Variants in KLF9 observed in about 807,000 individuals in gnomAD.
KLF9 encodes the protein Krueppel-like factor 9.
KLF9 carries 2 observed loss-of-function variants against 17.3 expected under a neutral mutation model. That is an observed-to-expected ratio of 0.12 (90% CI 0.05 to 0.36). The LOEUF is 0.36. Ranked by LOEUF, KLF9 falls within the 10% of genes least tolerant of loss-of-function variation. The pLI, the probability that KLF9 is intolerant of heterozygous loss-of-function variation, is 1.00. For missense variants in KLF9, 226 were observed against 333.2 expected (o/e 0.68, Z 2.51); for synonymous variants, 138 against 139.2 (o/e 0.99, Z 0.06).
intron 1 of KLF9, among the ~76,000 whole-genome samples, chr9:70,391,113 G>T (rs1564085947): frequency 6.6e-6 from 1 of 152,010 alleles, no homozygotes; most frequent in Non-Finnish European, 1.5e-5. Flanking sequence ...AGAGGAGGGG[G>T]TTCATTTAGT....
chr9:70,407,912 A>C (rs1021609978), intron 1 of KLF9, among the ~76,000 whole-genome samples: 1 of 152,182 alleles, frequency 6.6e-6, no homozygotes, highest in African/African-American at 2.4e-5. Flanking sequence ...CCCTAACAGG[A>C]TACTTGATAT....
At chr9:70,390,600 T>C (rs1161783419) in intron 1 of KLF9, among the ~76,000 whole-genome samples, 1 of 152,084 alleles carries the variant, frequency 6.6e-6, no homozygotes, top group Non-Finnish European at 1.5e-5. Context: ...GTCCTACTCA[T>C]GGTGCCAAGC....
At chr9:70,405,564 G>T (rs1343965280) in intron 1 of KLF9, among the ~76,000 whole-genome samples, 1 of 152,148 alleles carries the variant, frequency 6.6e-6, no homozygotes. Flanking sequence ...GGCTTAGATC[G>T]TGAGCAAACT....
At position 70,412,995 on chromosome 9, in the gene KLF9, C is replaced by A. The variant is rs779172193; in HGVS notation, c.369G>T (p.Pro123=). The change falls in exon 1 of 2, where the codon CCG becomes CCT. Residue 123 remains proline, a synonymous_variant. Transcript: ENST00000377126. ...CCACTCCAGGATGGAGGAGGGAGAG[C>A]GGGCTGGGCGCGCTGCCAGGATCCT... is the stretch of plus-strand genomic sequence containing the variant. ...ERQDPGSAPS[P]LSLLHPGVAA... 4 of 1,613,998 alleles carry A rather than the reference C, an allele frequency of 2.5e-6. No individual in the cohort carries two copies. Among genetic ancestry groups the A allele is most frequent in the Non-Finnish European group, 3.4e-6 (4 of 1,180,016 alleles).
intron 1 of KLF9, among the ~76,000 whole-genome samples, chr9:70,389,380 G>GAA (rs142977529): frequency 0.025 from 3,783 of 152,156 alleles, 136 homozygotes; most frequent in African/African-American, 0.086. Flanking sequence ...TCACAGATGA[G>GAA]AAAACTGAGA....
At chr9:70,398,756 T>C (rs1299555883) in intron 1 of KLF9, among the ~76,000 whole-genome samples, 2 of 152,178 alleles carry the variant, frequency 1.3e-5, no homozygotes, top group Non-Finnish European at 2.9e-5. Flanking sequence ...CCTCCCAAAG[T>C]GCTGAGATTA....
At position 70,384,922 on chromosome 9, in the gene KLF9, T is replaced by A. The variant is rs1272098541; in HGVS notation, c.*2854A>T. On this transcript the variant is annotated 3_prime_UTR_variant, in exon 2 of 2. Transcript: ENST00000377126. ...AATAGAATTCTCAAGAGAAGCATGA[T>A]GTGGAGCTAAACCTTAAAGCCAGGG... 6.6e-6 allele frequency: 1 copy of A among 152,560 alleles called. No homozygotes were observed. Among genetic ancestry groups the A allele is most frequent in the Non-Finnish European group, 1.5e-5 (1 of 68,046 alleles). 9.5% of individuals were successfully genotyped at this position (152,560 alleles called of 1,614,324 possible). A position where few individuals can be genotyped will look rare whatever the true frequency, so the allele number is the denominator to read the frequency against.
chr9:70,405,454 G>C (rs1361654280), intron 1 of KLF9, among the ~76,000 whole-genome samples: 2 of 152,146 alleles, frequency 1.3e-5, no homozygotes, highest in Non-Finnish European at 2.9e-5. Context: ...CCTTTCTCCT[G>C]TTCAAATTCT....
chr9:70,413,551 T>C lies in KLF9; in HGVS notation c.-188A>G, dbSNP rs1277744891. The C allele has an allele frequency of 7.1e-6, 3 of 425,244 alleles. No homozygotes were observed. Among genetic ancestry groups the C allele is most frequent in the Non-Finnish European group, 3.5e-6 (1 of 281,870 alleles). 26.3% of individuals were successfully genotyped at this position (425,244 alleles called of 1,614,324 possible). A position where few individuals can be genotyped will look rare whatever the true frequency, so the allele number is the denominator to read the frequency against. ...CGAGGCGACCTCAGCCCCTCATCTT[T>C]ACGTAACCGGCAGCGCCTCCGCACG... On this transcript the variant is annotated 5_prime_UTR_variant, in exon 1 of 2. It removes the in-frame stop codon of an upstream open reading frame in the 5' UTR. Transcript: ENST00000377126. The surrounding 1 kb of genome is among the most constrained non-coding windows in gnomAD (Gnocchi z 5.6).
At chr9:70,406,758 G>T (rs1459265885) in intron 1 of KLF9, among the ~76,000 whole-genome samples, 1 of 152,004 alleles carries the variant, frequency 6.6e-6, no homozygotes, top group African/African-American at 2.4e-5. Context: ...TTCAGTGGGC[G>T]CTGGGCTTGC....
In KLF9 at chr9:70,413,385, G is replaced by A. The variant is rs375684540; in HGVS notation, c.-22C>T. The A allele has an allele frequency of 4.7e-6, 7 of 1,474,550 alleles. No individual in the cohort carries two copies. The highest frequency in any genetic ancestry group is 4.0e-5 in the South Asian group (3 of 75,052). The allele number at this position is 1,474,550 out of a possible 1,614,324, so 91.3% of individuals were successfully genotyped here. ...ACATGGTGCGGGCGACGGCAGCCCA[G>A]GCGGCGCGGACAAACTTGGCGGTGG... On this transcript the variant is annotated 5_prime_UTR_variant, in exon 1 of 2. Transcript: ENST00000377126. This position sits in a 1 kb window ranked among gnomAD's most constrained non-coding sequence, Gnocchi z 5.6.
intron 1 of KLF9, among the ~76,000 whole-genome samples, chr9:70,388,460 T>C (rs1392665021): frequency 6.6e-6 from 1 of 152,128 alleles, no homozygotes; most frequent in Non-Finnish European, 1.5e-5. Flanking sequence ...ACCCAGTCTG[T>C]GGTTGTGTGT....
intron 1 of KLF9, among the ~76,000 whole-genome samples, chr9:70,389,058 T>C (rs2037134446): frequency 6.6e-6 from 1 of 151,976 alleles, no homozygotes; most frequent in Non-Finnish European, 1.5e-5. Flanking sequence ...GGAGAATTGC[T>C]TGAACCCAGG....
rs114454331 is a variant in KLF9, at chr9:70,411,802, G to C, written c.505+1057C>G. Among the ~76,000 whole-genome samples, 628 of 152,246 alleles carry C rather than the reference G, an allele frequency of 4.1e-3. 6 individuals are homozygous for C. Among genetic ancestry groups the C allele is most frequent in the African/African-American group, 0.014 (600 of 41,538 alleles). ...TACCCTCTCAAACACGGTGTCACAA[G>C]ACAGAGGCAAAAGGCTTATCTGAGA... On this transcript the variant is annotated intron_variant, in intron 1 of 1. Coordinates refer to ENST00000377126, the MANE Select transcript of KLF9 (RefSeq NM_001206.4).
In KLF9 at chr9:70,385,753, C is replaced by G. The variant is rs549786673; in HGVS notation, c.*2023G>C. ...ATGTCCTTAAAACTTATTTTGGACACAGAAATTAAAATTTGGTTTAAAATA... is the reference window on the plus strand; with the variant it reads ...ATGTCCTTAAAACTTATTTTGGACAGAGAAATTAAAATTTGGTTTAAAATA... On this transcript the variant is annotated 3_prime_UTR_variant, in exon 2 of 2. Transcript: ENST00000377126. 6.6e-6 allele frequency: 1 copy of G among 152,564 alleles called. No individual in the cohort carries two copies. The highest frequency in any genetic ancestry group is 1.5e-5 in the Non-Finnish European group (1 of 68,012). 9.5% of individuals were successfully genotyped at this position (152,564 alleles called of 1,614,324 possible). A position where few individuals can be genotyped will look rare whatever the true frequency, so the allele number is the denominator to read the frequency against.
chr9:70,413,124 G>A lies in KLF9; in HGVS notation c.240C>T (p.Ser80=), dbSNP rs2037339905. ...GACTTTCCAGACTGTCGCTGCACACGGAGGGGGTCTGGATGGGTCGGTACT... is the reference window on the plus strand; with the variant it reads ...GACTTTCCAGACTGTCGCTGCACACAGAGGGGGTCTGGATGGGTCGGTACT... The part of the protein sequence containing the change: ...LNKYRPIQTP[S]VCSDSLESPD... The change falls in exon 1 of 2, where the codon TCC becomes TCT. Residue 80 remains serine (S), a synonymous_variant. Coordinates refer to ENST00000377126, the MANE Select transcript of KLF9 (RefSeq NM_001206.4). The surrounding 1 kb of genome is among the most constrained non-coding windows in gnomAD (Gnocchi z 5.6). 6.2e-7 allele frequency: 1 copy of A among 1,614,048 alleles called. No homozygotes were observed.
In KLF9 at chr9:70,409,102, G is replaced by GTGTATATATATACATATATGTATATA. The variant is rs1564089249; in HGVS notation, c.505+3731_505+3756dup. Among the ~76,000 whole-genome samples the GTGTATATATATACATATATGTATATA allele has an allele frequency of 5.4e-3, 464 of 85,574 alleles. 25 individuals are homozygous for GTGTATATATATACATATATGTATATA. The highest frequency in any genetic ancestry group is 9.0e-3 in the Non-Finnish European group (337 of 37,354). The allele number at this position is 85,574 out of a possible 152,430, so 56.1% of individuals were successfully genotyped here. ...TATATACACATATATGTATATATATGTGTATATATATACATATATGTATAT... is the reference window on the plus strand; with the variant it reads ...TATATACACATATATGTATATATATGTGTATATATATACATATATGTATATATGTATATATATACATATATGTATAT... On this transcript the variant is annotated intron_variant, in intron 1 of 1. Transcript: ENST00000377126.
intron 1 of KLF9, among the ~76,000 whole-genome samples, chr9:70,409,472 C>T (rs146974956): frequency 8.6e-5 from 13 of 151,816 alleles, no homozygotes; most frequent in East Asian, 3.9e-4. Context: ...TGATGACTTC[C>T]GAGCTGGAAT....
At chr9:70,401,516 T>C (rs990192387) in intron 1 of KLF9, among the ~76,000 whole-genome samples, 34 of 151,188 alleles carry the variant, frequency 2.2e-4, no homozygotes, top group African/African-American at 8.3e-4. Context: ...TGAAACCCTA[T>C]CAACTACTAA....
Sources: allele counts gnomAD v4.1 joint callset (sites outside exome capture counted in the v4.1 genomes callset), GRCh38; gene constraint gnomAD v4.1.1; non-coding constraint Gnocchi (gnomAD v3.1); transcripts MANE v1.5; gene names NCBI Gene and HGNC (gene_info 2026-07-23, HGNC 2026-07-21).